Variants in CYSLTR1 observed in about 807,000 individuals in gnomAD.
CYSLTR1 encodes G-protein coupled receptor HG55.
A neutral mutation model predicts 2.1 loss-of-function variants in CYSLTR1; 1 was observed. The observed-to-expected ratio is 0.48, with a 90% confidence interval of 0.17 to 2.28. CYSLTR1 has a LOEUF of 2.28. Ranked by LOEUF, CYSLTR1 falls within the 30% of genes most tolerant of loss-of-function variation. The probability of loss-of-function intolerance (pLI) is 0.26; values close to 1 mark genes in which losing one functional copy is unlikely to be tolerated. For synonymous variants in CYSLTR1, 110 were observed against 89.6 expected (o/e 1.23, Z -1.28); for missense variants, 299 against 250.1 (o/e 1.20, Z -1.32).
Position 78,272,773 on chromosome X carries a change from G to A in CYSLTR1, c.974C>T (p.Ala325Val), listed in dbSNP as rs1921325514. ...TTCTTCTCCTTTTTCTGGCAAAGAG[G>A]CCTTCTTTCTGGGTACATAAGTCAC... ...SSVTYVPRKKASLPEKGEEIC... is the reference protein window; with the variant it reads ...SSVTYVPRKKVSLPEKGEEIC... The change falls in exon 3 of 3, where the codon GCC becomes GTC. Residue 325 changes from alanine to valine, a missense_variant. Transcript: ENST00000373304. 1.0e-5 allele frequency: 12 copies of A among 1,204,583 alleles called. No individual in the cohort carries two copies. Among genetic ancestry groups the A allele is most frequent in the Non-Finnish European group, 1.3e-5 (12 of 892,341 alleles).
chrX:78,304,644 A>G (rs1922958265), intron 1 of CYSLTR1, among the ~76,000 whole-genome samples: 1 of 110,850 alleles, frequency 9.0e-6, no homozygotes, highest in South Asian at 3.9e-4. Flanking sequence ...GGCCTCCACA[A>G]AGAAGTTTAT....
chrX:78,297,512 A>G, intron 1 of CYSLTR1, among the ~76,000 whole-genome samples: 1 of 111,242 alleles, frequency 9.0e-6, no homozygotes. Context: ...ATCAGGTCTC[A>G]GGCTTTTCTT....
At chrX:78,320,324 A>T (rs1350103165) in intron 1 of CYSLTR1, 1 of 112,040 alleles carries the variant, frequency 8.9e-6, no homozygotes, top group Admixed American at 9.4e-5. Flanking sequence ...AGCTTTCTGC[A>T]TATGGCTAGC....
In CYSLTR1 at chrX:78,289,636, T is replaced by C. The variant is rs1922229668; in HGVS notation, c.-114-6096A>G. ...CTCTCCAGCATCTGTTGTTTCCTGA[T>C]TTTTTAATGATCGCCATTCTAACTG... On this transcript the variant is annotated intron_variant, in intron 1 of 2. Coordinates refer to ENST00000373304, the MANE Select transcript of CYSLTR1 (RefSeq NM_006639.4). 2.7e-5 allele frequency among the ~76,000 whole-genome samples: 3 copies of C among 111,843 alleles called. No homozygotes were observed. The South Asian group carries it at 1.1e-3, about 42-fold the overall frequency.
In CYSLTR1 at chrX:78,272,947, C is replaced by G; in HGVS notation, c.800G>C (p.Cys267Ser). The change falls in exon 3 of 3, where the codon TGT (cysteine) becomes TCT (serine). Residue 267 changes from cysteine to serine, a missense_variant. Physicochemically the swap from Cys to Ser is moderately radical, Grantham distance 112 (BLOSUM62 -1). Transcript: ENST00000373304. ...LHFLHNETKP[C>S]DSVLRMQKSV... is the part of the protein sequence containing the mutation. ...CTTCTGCATTCTAAGGACAGAATCA[C>G]AGGGTTTAGTTTCATTGTGTAAAAA... 1.8e-5 allele frequency: 22 copies of G among 1,210,983 alleles called. No homozygotes were observed. Among genetic ancestry groups the G allele is most frequent in the Non-Finnish European group, 2.5e-5 (22 of 895,101 alleles).
intron 1 of CYSLTR1, among the ~76,000 whole-genome samples, chrX:78,289,973 T>C (rs1394342727): frequency 8.9e-6 from 1 of 111,971 alleles, no homozygotes; most frequent in African/African-American, 3.3e-5. Context: ...TTTAATTAGA[T>C]CCCATTTGTC....
At chrX:78,288,104 C>T (rs1922146405) in intron 1 of CYSLTR1, among the ~76,000 whole-genome samples, 2 of 110,502 alleles carry the variant, frequency 1.8e-5, no homozygotes, top group African/African-American at 6.6e-5. Context: ...TCAGAAGGCT[C>T]AGGCGGGGAG....
chrX:78,283,848 G>T (rs998550165), intron 1 of CYSLTR1, among the ~76,000 whole-genome samples: 1 of 111,598 alleles, frequency 9.0e-6, no homozygotes, highest in African/African-American at 3.3e-5. Context: ...ATGAAACCAG[G>T]GTATTTCCTC....
chrX:78,289,621 T>C (rs200647571), intron 1 of CYSLTR1, among the ~76,000 whole-genome samples: 1 of 111,720 alleles, frequency 9.0e-6, no homozygotes, highest in Admixed American at 9.5e-5. Context: ...CTCTCCAGCA[T>C]CTGTTGTTTC....
At chrX:78,313,572 C>A (rs747105591) in intron 1 of CYSLTR1, among the ~76,000 whole-genome samples, 1 of 111,542 alleles carries the variant, frequency 9.0e-6, no homozygotes, top group South Asian at 3.7e-4. Flanking sequence ...AAAGGGAGAG[C>A]ACAAAAGACT....
chrX:78,294,755 G>T (rs779703940), intron 1 of CYSLTR1, among the ~76,000 whole-genome samples: 1 of 112,911 alleles, frequency 8.9e-6, no homozygotes, highest in South Asian at 3.6e-4. Context: ...CTGATAGTGA[G>T]CAAGGCTCTG....
intron 1 of CYSLTR1, among the ~76,000 whole-genome samples, chrX:78,315,835 C>G (rs1160003080): frequency 6.2e-5 from 7 of 112,170 alleles, no homozygotes; most frequent in Non-Finnish European, 1.1e-4. Flanking sequence ...GGGAAACTTA[C>G]TACTATTAAG....
intron 2 of CYSLTR1, among the ~76,000 whole-genome samples, chrX:78,281,521 C>T (rs901381582): frequency 9.0e-6 from 1 of 111,045 alleles, no homozygotes; most frequent in African/African-American, 3.3e-5. Context: ...TATCTGCCTG[C>T]CTTGGCCTCC....
chrX:78,315,528 G>A (rs1429196284), intron 1 of CYSLTR1, among the ~76,000 whole-genome samples: 2 of 111,397 alleles, frequency 1.8e-5, no homozygotes, highest in African/African-American at 6.5e-5. Context: ...GGAGCCTACT[G>A]TTCTGTAGGG....
chrX:78,272,697 C>T lies in CYSLTR1; in HGVS notation c.*36G>A. ...TTTGACAAAATACTTATTTGGGAAA[C>T]TATTTTCATTGGTTTGGACTGGAAA... On this transcript the variant is annotated 3_prime_UTR_variant, in exon 3 of 3. Transcript: ENST00000373304. The T allele has an allele frequency of 9.4e-7, 1 of 1,059,592 alleles. No individual in the cohort carries two copies. Among genetic ancestry groups the T allele is most frequent in the Non-Finnish European group, 1.2e-6 (1 of 810,711 alleles). The allele number at this position is 1,059,592 out of a possible 1,213,427, so 87.3% of individuals were successfully genotyped here.
At chrX:78,281,951 G>A (rs1449702851) in intron 2 of CYSLTR1, among the ~76,000 whole-genome samples, 2 of 111,739 alleles carry the variant, frequency 1.8e-5, no homozygotes, top group Non-Finnish European at 3.8e-5. Context: ...AGACTTCTTG[G>A]CCTGATATTT....
At chrX:78,307,416 G>C (rs1489557216) in intron 1 of CYSLTR1, among the ~76,000 whole-genome samples, 1 of 111,588 alleles carries the variant, frequency 9.0e-6, no homozygotes, top group Non-Finnish European at 1.9e-5. Flanking sequence ...CAACATTGCT[G>C]TTTGTTTTCT....
intron 2 of CYSLTR1, among the ~76,000 whole-genome samples, chrX:78,279,041 T>C (rs1255015869): frequency 3.6e-5 from 4 of 112,149 alleles, no homozygotes; most frequent in African/African-American, 1.3e-4. Flanking sequence ...ATTCTCGACA[T>C]AGTACCTACC....
chrX:78,301,307 C>T (rs1388776585), intron 1 of CYSLTR1, among the ~76,000 whole-genome samples: 1 of 112,376 alleles, frequency 8.9e-6, no homozygotes, highest in African/African-American at 3.2e-5. Context: ...TTTTTCTTTT[C>T]TATTGCATCA....
Sources: allele counts gnomAD v4.1 joint callset (sites outside exome capture counted in the v4.1 genomes callset), GRCh38; gene constraint gnomAD v4.1.1; transcripts MANE v1.5; gene names NCBI Gene and HGNC (gene_info 2026-07-23, HGNC 2026-07-21).